HPSE2: variants seen among roughly 807,000 people sequenced by gnomAD.
HPSE2 encodes heparanase 2 (inactive), also known as inactive heparanase-2.
A neutral mutation model predicts 60.5 loss-of-function variants in HPSE2; 38 were observed. That is an observed-to-expected ratio of 0.63 (90% confidence interval 0.48 to 0.82). HPSE2 has a LOEUF of 0.82. HPSE2 is among the 40% of genes least tolerant of loss of function. HPSE2 has a pLI of 0.00. For missense variants in HPSE2, 713 were observed against 740.4 expected, an observed-to-expected ratio of 0.96 and a Z score of 0.43; for synonymous variants, 295 against 293.2, an observed-to-expected ratio of 1.01 and a Z score of -0.06.
chr10:98,537,903 T>C (rs939518132), intron 9 of HPSE2, among the ~76,000 whole-genome samples: 9 of 152,220 alleles, frequency 5.9e-5, no homozygotes, highest in African/African-American at 1.9e-4. Flanking sequence ...TGGTTCCTCT[T>C]TGAAGTTCAT....
chr10:98,580,836 A>ATATATATGTGTGTGTGTGTG lies in HPSE2; in HGVS notation c.1320+34067_1320+34068insCACACACACACACATATATA. Among the ~76,000 whole-genome samples, 394 of 119,550 alleles carry ATATATATGTGTGTGTGTGTG rather than the reference A, an allele frequency of 3.3e-3. 6 individuals carry two copies. Among genetic ancestry groups the ATATATATGTGTGTGTGTGTG allele is most frequent in the African/African-American group, 0.014 (380 of 27,930 alleles). The allele number at this position is 119,550 out of a possible 152,430, so 78.4% of individuals were successfully genotyped here. ...GTTGTGCTTGGTTTTATATATATAT[A>ATATATATGTGTGTGTGTGTG]TGTGTGTGTGTGTGTGTGTGTGTGT... is the stretch of plus-strand genomic sequence containing the variant. On this transcript the variant is annotated intron_variant, in intron 9 of 11. Coordinates refer to ENST00000370552, the MANE Select transcript of HPSE2 (RefSeq NM_021828.5).
intron 3 of HPSE2, among the ~76,000 whole-genome samples, chr10:98,860,659 A>T (rs996331333): frequency 2.0e-5 from 3 of 152,178 alleles, no homozygotes; most frequent in African/African-American, 7.2e-5. Flanking sequence ...TAGAAATCTA[A>T]CACAATCTCA....
chr10:99,305,961 A>ACG, the HPSE2 span, among the ~76,000 whole-genome samples: 250 of 103,038 alleles, frequency 2.4e-3, 1 homozygote, highest in East Asian at 9.2e-3. Context: ...ACTCACACAC[A>ACG]CGCGCGCGCG....
At chr10:98,983,813 C>T (rs1465492285) in intron 3 of HPSE2, among the ~76,000 whole-genome samples, 1 of 152,194 alleles carries the variant, frequency 6.6e-6, no homozygotes, top group African/African-American at 2.4e-5. Context: ...GCTTTTCCAA[C>T]AGTCTTAGCA....
intron 3 of HPSE2, among the ~76,000 whole-genome samples, chr10:99,072,133 G>A (rs1030776917): frequency 6.6e-6 from 1 of 151,730 alleles, no homozygotes; most frequent in Non-Finnish European, 1.5e-5. Context: ...CTGAGATTTT[G>A]ATAGAGATAG....
At chr10:98,620,880 C>T (rs556448855) in intron 7 of HPSE2, among the ~76,000 whole-genome samples, 172 bp from the exon 8 acceptor site, 19 of 152,226 alleles carry the variant, frequency 1.2e-4, no homozygotes, top group Non-Finnish European at 2.2e-4. Flanking sequence ...CATTCACAAA[C>T]CAAAATGCAT....
At position 98,676,446 on chromosome 10, in the gene HPSE2, C is replaced by A. The variant is rs930391996; in HGVS notation, c.1004+17454G>T. 3.9e-5 allele frequency among the ~76,000 whole-genome samples: 6 copies of A among 152,308 alleles called. No homozygotes were observed. The East Asian group carries it at 1.2e-3, about 29-fold the overall frequency. ...AAATACTGTTCCCTTTTGGAGAGTA[C>A]AGCCCCAGGCCCTTCTAGAAAGAAT... On this transcript the variant is annotated intron_variant, in intron 6 of 11. Transcript: ENST00000370552.
At chr10:98,600,222 A>G (rs1457391484) in intron 9 of HPSE2, among the ~76,000 whole-genome samples, 1 of 152,240 alleles carries the variant, frequency 6.6e-6, no homozygotes, top group Non-Finnish European at 1.5e-5. Context: ...CAAGTTTACA[A>G]ATGACTATAA....
intron 5 of HPSE2, among the ~76,000 whole-genome samples, chr10:98,704,115 C>T (rs577561631): frequency 1.4e-4 from 21 of 152,220 alleles, no homozygotes; most frequent in African/African-American, 4.3e-4. Flanking sequence ...CATTCCTATA[C>T]ACCAATAGAC....
intron 5 of HPSE2, among the ~76,000 whole-genome samples, chr10:98,712,850 T>C (rs946492073): frequency 6.6e-6 from 1 of 152,118 alleles, no homozygotes; most frequent in Non-Finnish European, 1.5e-5. Context: ...CTTCACTCAT[T>C]CAACAAACTG....
At chr10:98,764,398 C>A (rs569556529) in intron 3 of HPSE2, among the ~76,000 whole-genome samples, 41 of 151,756 alleles carry the variant, frequency 2.7e-4, no homozygotes, top group Admixed American at 1.2e-3. Flanking sequence ...AAAAAGAAAG[C>A]AAATAAAAAC....
At chr10:98,647,672 A>G (rs1485726645) in intron 6 of HPSE2, among the ~76,000 whole-genome samples, 1 of 152,196 alleles carries the variant, frequency 6.6e-6, no homozygotes, top group Non-Finnish European at 1.5e-5. Context: ...TAGGCTTTAT[A>G]AATTGCACTT....
intron 7 of HPSE2, among the ~76,000 whole-genome samples, chr10:98,631,858 C>A (rs999597856): frequency 6.6e-6 from 1 of 152,172 alleles, no homozygotes; most frequent in Admixed American, 6.5e-5. Flanking sequence ...TGATACTCAA[C>A]TTCATTCATT....
chr10:99,174,777 A>G lies in HPSE2; in HGVS notation c.449-30378T>C, dbSNP rs75768841. On this transcript the variant is annotated intron_variant, in intron 2 of 11. Coordinates refer to ENST00000370552, the MANE Select transcript of HPSE2 (RefSeq NM_021828.5). ...TAAATTAAAAAGAAGCCATTAGGGT[A>G]TGCCCTAAGCCAATCTGACTGGTTT... 2.2e-3 allele frequency among the ~76,000 whole-genome samples: 334 copies of G among 152,322 alleles called. 1 individual carries two copies. Among genetic ancestry groups the G allele is most frequent in the African/African-American group, 7.5e-3 (313 of 41,570 alleles).
At chr10:98,550,472 A>AT (rs34732107) in intron 9 of HPSE2, among the ~76,000 whole-genome samples, 227 of 143,626 alleles carry the variant, frequency 1.6e-3, no homozygotes, top group South Asian at 4.0e-3. Context: ...TCTTTCTTAA[A>AT]TTTTTTTTTT....
intron 7 of HPSE2, among the ~76,000 whole-genome samples, chr10:98,626,119 AAAAAGAAAAAAG>A (rs1274655716): frequency 7.0e-6 from 1 of 142,764 alleles, no homozygotes; most frequent in Non-Finnish European, 1.5e-5. Flanking sequence ...AAAAAAAAAG[AAAAAGAAAAAAG>A]AAAAAAGATG....
At chr10:99,135,874 A>G (rs574699605) in intron 3 of HPSE2, among the ~76,000 whole-genome samples, 130 of 152,294 alleles carry the variant, frequency 8.5e-4, no homozygotes, top group Non-Finnish European at 1.5e-3. Flanking sequence ...AGGGAAGACA[A>G]GTAATAACCA....
At chr10:99,030,858 G>A (rs1435774325) in intron 3 of HPSE2, among the ~76,000 whole-genome samples, 1 of 152,196 alleles carries the variant, frequency 6.6e-6, no homozygotes, top group Non-Finnish European at 1.5e-5. Flanking sequence ...AGATCATTAT[G>A]TTAAGTGAAA....
chr10:98,890,786 G>A (rs1330147412), intron 3 of HPSE2, among the ~76,000 whole-genome samples: 3 of 152,242 alleles, frequency 2.0e-5, no homozygotes, highest in East Asian at 1.9e-4. Context: ...TACACATACC[G>A]ATACTGTGCA....
Sources: gnomAD v4.1 joint callset for allele counts (sites outside exome capture counted in the v4.1 genomes callset) on GRCh38, gnomAD v4.1.1 for gene constraint, MANE v1.5 for transcripts, NCBI Gene and HGNC (gene_info 2026-07-23, HGNC 2026-07-21) for gene names.